GALNT17: variants seen among roughly 807,000 people sequenced by gnomAD.
GALNT17 encodes UDP-GalNAc:polypeptide N-acetylgalactosaminyltransferase-like 3.
Under a neutral mutation model 63.7 loss-of-function variants are expected in GALNT17, and 29 were observed. The ratio of observed to expected loss-of-function variants is 0.46; its 90% CI spans 0.34 to 0.62. The LOEUF (loss-of-function observed/expected upper bound fraction) is 0.62, where lower values mean the gene tolerates loss of function less well. GALNT17 is among the 20% of genes least tolerant of loss of function. The probability of loss-of-function intolerance (pLI) is 0.01; values close to 1 mark genes in which losing one functional copy is unlikely to be tolerated. For synonymous variants in GALNT17, 305 were observed against 318.3 expected (o/e 0.96, Z 0.45); for missense variants, 603 against 799.6 (o/e 0.75, Z 2.97).
intron 5 of GALNT17, among the ~76,000 whole-genome samples, chr7:71,535,979 A>G (rs1403656623): frequency 6.6e-6 from 1 of 152,156 alleles, no homozygotes; most frequent in African/African-American, 2.4e-5. Flanking sequence ...TCTATATAAC[A>G]CCGCAGCCAG....
At position 71,712,212 on chromosome 7, in the gene GALNT17, C is replaced by T. The variant is rs1186907556; in HGVS notation, c.*66C>T. 3 of 1,569,524 alleles carry T rather than the reference C, an allele frequency of 1.9e-6. No individual in the cohort carries two copies. The highest frequency in any genetic ancestry group is 1.9e-5 in the Admixed American group (1 of 53,058). On this transcript the variant is annotated 3_prime_UTR_variant, in exon 11 of 11. Transcript: ENST00000333538. The stretch of plus-strand genomic sequence containing the variant: ...TGGCTGCTCCCCCCAACATCTGGAC[C>T]AGCTGCCCTGGCGGAGAGACAGCAA...
chr7:71,364,944 A>ATTTTTTTT (rs1329384724), intron 2 of GALNT17, among the ~76,000 whole-genome samples: 3 of 151,382 alleles, frequency 2.0e-5, no homozygotes, highest in Non-Finnish European at 4.4e-5. Context: ...TATTATTTTT[A>ATTTTTTTT]TTTTGAGATG....
chr7:71,339,454 A>T (rs1313851432), intron 2 of GALNT17, among the ~76,000 whole-genome samples: 1 of 152,204 alleles, frequency 6.6e-6, no homozygotes, highest in Non-Finnish European at 1.5e-5. Flanking sequence ...TGGGAGGCTA[A>T]GGCGGGCGGA....
At chr7:71,611,210 C>A (rs1474146087) in intron 6 of GALNT17, among the ~76,000 whole-genome samples, 2 of 152,026 alleles carry the variant, frequency 1.3e-5, no homozygotes, top group African/African-American at 4.8e-5. Context: ...TCTCTTCTTG[C>A]TAAGGCAGAT....
chr7:71,216,978 G>T (rs2116409519), intron 1 of GALNT17, among the ~76,000 whole-genome samples: 1 of 151,864 alleles, frequency 6.6e-6, no homozygotes, highest in Non-Finnish European at 1.5e-5. Context: ...GTTTTATTTT[G>T]TTTGAGACAG....
At chr7:71,243,349 C>T (rs1790033992) in intron 1 of GALNT17, among the ~76,000 whole-genome samples, 1 of 152,114 alleles carries the variant, frequency 6.6e-6, no homozygotes, top group Admixed American at 6.6e-5. Flanking sequence ...TTATAAATTA[C>T]CCAGTCTCAG....
intron 1 of GALNT17, among the ~76,000 whole-genome samples, chr7:71,215,250 G>A (rs889387296): frequency 1.3e-5 from 2 of 152,098 alleles, no homozygotes; most frequent in Admixed American, 1.3e-4. Flanking sequence ...AGGGCTTAGA[G>A]CTCCTGCCAC....
intron 6 of GALNT17, among the ~76,000 whole-genome samples, chr7:71,607,737 G>GAA (rs369505693): frequency 6.6e-6 from 1 of 151,788 alleles, no homozygotes; most frequent in Non-Finnish European, 1.5e-5. Flanking sequence ...AAGAAAAGGA[G>GAA]AAAAAAAACC....
At chr7:71,452,999 A>G (rs1787291632) in intron 5 of GALNT17, among the ~76,000 whole-genome samples, 1 of 152,152 alleles carries the variant, frequency 6.6e-6, no homozygotes. Context: ...GACTTCTGCC[A>G]TCCATCATTT....
At chr7:71,619,373 T>A (rs778958722) in intron 6 of GALNT17, among the ~76,000 whole-genome samples, 4 of 152,228 alleles carry the variant, frequency 2.6e-5, no homozygotes, top group Non-Finnish European at 5.9e-5. Flanking sequence ...ATCTGTAAAT[T>A]GCTTTTGGCC....
chr7:71,519,516 T>A (rs1179253253), intron 5 of GALNT17, among the ~76,000 whole-genome samples: 1 of 152,154 alleles, frequency 6.6e-6, no homozygotes, highest in Non-Finnish European at 1.5e-5. Flanking sequence ...CAGGCTGGAG[T>A]GCAGTGGCAT....
chr7:71,256,215 G>T (rs1790287006), intron 1 of GALNT17, among the ~76,000 whole-genome samples: 1 of 152,154 alleles, frequency 6.6e-6, no homozygotes, highest in African/African-American at 2.4e-5. Context: ...CACCTTTTCA[G>T]ATCCAACCAG....
Position 71,132,999 on chromosome 7 carries a change from G to T in GALNT17, c.197G>T (p.Arg66Leu). The T allele has an allele frequency of 6.3e-7, 1 of 1,599,998 alleles. No homozygotes were observed. Reference sequence around the variant, plus strand: ...CCCATCCAGGATGCGGTCCTGAAGCGCCTGTCGCTGCTGGAGGACATCGTG... The same window carrying T: ...CCCATCCAGGATGCGGTCCTGAAGCTCCTGTCGCTGCTGGAGGACATCGTG... Reference protein sequence around the residue: ...ASPIQDAVLKRLSLLEDIVYR... With the variant: ...ASPIQDAVLKLLSLLEDIVYR... Residue 66 changes from arginine (R) to leucine (L), a missense_variant, in exon 1 of 11, where the codon CGC (arginine) becomes CTC (leucine). By Grantham distance (102) the Arg-to-Leu change is moderately radical. This residue lies in a region of GALNT17 where 195 missense variants were observed against 215.0 expected (regional missense o/e 0.91). Coordinates refer to ENST00000333538, the MANE Select transcript of GALNT17 (RefSeq NM_022479.3).
intron 5 of GALNT17, among the ~76,000 whole-genome samples, chr7:71,471,416 AAAAAAAACC>A (rs1444308880): frequency 1.4e-5 from 2 of 145,422 alleles, no homozygotes; most frequent in Non-Finnish European, 3.0e-5. Context: ...AAAAAAAAAC[AAAAAAAACC>A]AAAAACCATA....
chr7:71,544,763 G>A (rs1281291969), intron 5 of GALNT17, among the ~76,000 whole-genome samples: 4 of 151,966 alleles, frequency 2.6e-5, no homozygotes, highest in Non-Finnish European at 5.9e-5. Flanking sequence ...GAAACTCTTG[G>A]ATTCTGAAGA....
chr7:71,497,435 C>T (rs900475501), intron 5 of GALNT17, among the ~76,000 whole-genome samples: 3 of 152,192 alleles, frequency 2.0e-5, no homozygotes, highest in Non-Finnish European at 4.4e-5. Flanking sequence ...AGTCTTTCCT[C>T]AGTCACATTC....
intron 1 of GALNT17, among the ~76,000 whole-genome samples, chr7:71,171,043 A>G (rs1487085514): frequency 6.6e-6 from 1 of 152,100 alleles, no homozygotes; most frequent in African/African-American, 2.4e-5. Context: ...GAGTTTGAGG[A>G]AGAAACAGGA....
intron 1 of GALNT17, among the ~76,000 whole-genome samples, chr7:71,154,226 A>G (rs138077135): frequency 2.4e-5 from 3 of 126,414 alleles, no homozygotes; most frequent in South Asian, 2.3e-4. Flanking sequence ...GAGAGAGAGA[A>G]AGAGAGAGAG....
At chr7:71,646,937 G>T (rs914224423) in intron 6 of GALNT17, among the ~76,000 whole-genome samples, 37 of 151,646 alleles carry the variant, frequency 2.4e-4, no homozygotes, top group Non-Finnish European at 5.9e-5. Flanking sequence ...TAGTAGAGAT[G>T]GGGTTTCACC....
Sources: gnomAD v4.1 joint callset for allele counts (sites outside exome capture counted in the v4.1 genomes callset) on GRCh38, gnomAD v4.1.1 for gene constraint, gnomAD v4.1.1 regional missense constraint, MANE v1.5 for transcripts, NCBI Gene and HGNC (gene_info 2026-07-23, HGNC 2026-07-21) for gene names.